Variants in SYNE1 observed in about 807,000 individuals in gnomAD.
SYNE1 encodes nesprin-1.
Under a neutral mutation model 1,111.0 loss-of-function variants are expected in SYNE1, and 616 were observed. That is an observed-to-expected ratio of 0.55 (90% CI 0.52 to 0.59). The LOEUF is 0.59. Among genes scored for constraint, SYNE1 ranks in the 20% least tolerant of loss-of-function variants. The pLI is 0.00. For missense variants in SYNE1, 10,006 were observed against 10,417.0 expected (o/e 0.96, Z 1.72); for synonymous variants, 3,855 against 3,825.8 (o/e 1.01, Z -0.28).
rs747725801 is a variant in SYNE1 at position 152,430,693 on chromosome 6, A to G, written c.4478T>C (p.Ile1493Thr). Residue 1493 changes from isoleucine (I) to threonine (T), a missense_variant, in exon 35 of 146, where the codon ATA (isoleucine) becomes ACA (threonine). By Grantham distance (89) the Ile-to-Thr change is moderately conservative. Coordinates refer to ENST00000367255, the MANE Select transcript of SYNE1 (RefSeq NM_182961.4). ...ISQIKVTIQE[I>T]ESKLSSIVGL... is the part of the protein sequence containing the mutation. ...TACAATGCTGCTGAGCTTACTTTCT[A>G]TTTCCTGAATTGTGACCTAATAGTT... The G allele has an allele frequency of 1.9e-6, 3 of 1,613,966 alleles. No individual in the cohort carries two copies. The highest frequency in any genetic ancestry group is 1.1e-5 in the South Asian group (1 of 91,084).
At chr6:152,621,324 A>C (rs1252627735) in intron 3 of SYNE1, among the ~76,000 whole-genome samples, 1 of 152,242 alleles carries the variant, frequency 6.6e-6, no homozygotes, top group African/African-American at 2.4e-5. Flanking sequence ...TTAATGTTAC[A>C]TCATAAGAGT....
At chr6:152,598,768 G>A (rs923447399) in intron 3 of SYNE1, among the ~76,000 whole-genome samples, 1 of 152,144 alleles carries the variant, frequency 6.6e-6, no homozygotes, top group Non-Finnish European at 1.5e-5. Context: ...ACAGAAGCAG[G>A]TAACATATAA....
At chr6:152,172,910 G>T (rs1218634454) in intron 130 of SYNE1, among the ~76,000 whole-genome samples, 1 of 152,132 alleles carries the variant, frequency 6.6e-6, no homozygotes, top group Non-Finnish European at 1.5e-5. Context: ...TTAAAATGTG[G>T]CCAGTGCAAC....
intron 128 of SYNE1, among the ~76,000 whole-genome samples, chr6:152,188,050 T>G (rs1030393190): frequency 4.6e-5 from 7 of 152,154 alleles, no homozygotes; most frequent in Non-Finnish European, 8.8e-5. Context: ...TATACATTGT[T>G]TTTACCTGTT....
Position 152,636,721 on chromosome 6 carries a change from G to A in SYNE1, c.-307C>T, listed in dbSNP as rs1296131788. The stretch of plus-strand genomic sequence containing the variant: ...TCCCGGCTCTCTGCGCCCAGGCTCG[G>A]CGGGACCCCGGGGATGCGCGGCTGT... On this transcript the variant is annotated 5_prime_UTR_variant, in exon 2 of 146. Transcript: ENST00000367255. The A allele has an allele frequency of 3.9e-5, 6 of 152,268 alleles. No homozygotes were observed. Among genetic ancestry groups the A allele is most frequent in the Admixed American group, 3.9e-4 (6 of 15,282 alleles). 9.4% of individuals were successfully genotyped at this position (152,268 alleles called of 1,614,324 possible).
rs138426235 is a variant in SYNE1, at chr6:152,582,862, C to T, written c.68-42841G>A. Reference sequence around the variant, plus strand: ...TGGCCTTTTCAAAATTTGCTGAAATCTGTAATTCTACAATATAAATTTATT... The same window carrying T: ...TGGCCTTTTCAAAATTTGCTGAAATTTGTAATTCTACAATATAAATTTATT... On this transcript the variant is annotated intron_variant, in intron 3 of 145. Transcript: ENST00000367255. Among the ~76,000 whole-genome samples, 152 of 152,106 alleles carry T rather than the reference C, an allele frequency of 1.0e-3. 1 individual carries two copies. The East Asian group carries it at 0.011, about 11-fold the overall frequency.
chr6:152,337,869 T>C (rs1027226681), intron 75 of SYNE1, among the ~76,000 whole-genome samples: 1 of 152,180 alleles, frequency 6.6e-6, no homozygotes, highest in African/African-American at 2.4e-5. Flanking sequence ...TTACATTGGC[T>C]GGGAATGGTG....
At chr6:152,205,621 C>T (rs376456018) in intron 126 of SYNE1, among the ~76,000 whole-genome samples, 17 of 152,108 alleles carry the variant, frequency 1.1e-4, no homozygotes, top group African/African-American at 3.4e-4. Flanking sequence ...GTGGGAGGTC[C>T]GGATAAATCT....
At chr6:152,573,275 G>A (rs528497366) in intron 3 of SYNE1, among the ~76,000 whole-genome samples, 329 of 151,418 alleles carry the variant, frequency 2.2e-3, no homozygotes, top group African/African-American at 7.2e-3. Flanking sequence ...TTGGTGTGCT[G>A]CACCCATTAA....
intron 91 of SYNE1, among the ~76,000 whole-genome samples, chr6:152,306,551 A>G (rs2095385034): frequency 6.6e-6 from 1 of 151,640 alleles, no homozygotes; most frequent in Non-Finnish European, 1.5e-5. Flanking sequence ...GGTATAAAAA[A>G]GTGATGTAAA....
At chr6:152,415,624 CTTG>C (rs892799079) in intron 41 of SYNE1, among the ~76,000 whole-genome samples, 118 of 152,072 alleles carry the variant, frequency 7.8e-4, no homozygotes, top group African/African-American at 2.7e-3. Flanking sequence ...TGCCTTCATT[CTTG>C]TTATAGAAGA....
intron 3 of SYNE1, among the ~76,000 whole-genome samples, chr6:152,555,843 G>T (rs146683151): frequency 6.6e-6 from 1 of 152,126 alleles, no homozygotes; most frequent in Non-Finnish European, 1.5e-5. Context: ...TACATCCAGA[G>T]TAAGCTTGTT....
chr6:152,429,571 T>A (rs1446739222), intron 36 of SYNE1, among the ~76,000 whole-genome samples: 1 of 152,212 alleles, frequency 6.6e-6, no homozygotes, highest in Non-Finnish European at 1.5e-5. Flanking sequence ...TATTTTTGTT[T>A]ATTAATTAAT....
At chr6:152,427,504 A>G in intron 38 of SYNE1, 189 bp downstream of exon 38, 1 of 655,560 alleles carries the variant, frequency 1.5e-6, no homozygotes, top group Non-Finnish European at 2.6e-6. Context: ...TCTCATTGTT[A>G]GTTTCTCTCC....
At position 152,310,033 on chromosome 6, in the gene SYNE1, C is replaced by T. The variant is rs745471011; in HGVS notation, c.17020-16G>A. 3 of 1,610,588 alleles carry T rather than the reference C, an allele frequency of 1.9e-6. No individual in the cohort carries two copies. Among genetic ancestry groups the T allele is most frequent in the Non-Finnish European group, 2.5e-6 (3 of 1,179,092 alleles). ...ACAACAAATGCTGAAAATGCAATTT[C>T]ATAGTTCAAAAATTTAATATTTAAA... On this transcript the variant is annotated splice_polypyrimidine_tract_variant and intron_variant, in intron 89 of 145. Transcript: ENST00000367255.
rs1056139126 is a variant in SYNE1, at chr6:152,511,212, A to T, written c.310-109T>A. ...ACATCAATAAGATTTGATCATGCCT[A>T]TGTAATAGTACATGGGAGTAAGTAG... On this transcript the variant is annotated intron_variant, in intron 6 of 145. Transcript: ENST00000367255. 6.2e-6 allele frequency: 6 copies of T among 962,896 alleles called. No homozygotes were observed. The Admixed American group carries it at 1.1e-4, about 18-fold the overall frequency. 59.6% of individuals were successfully genotyped at this position (962,896 alleles called of 1,614,324 possible). A position where few individuals can be genotyped will look rare whatever the true frequency, so the allele number is the denominator to read the frequency against.
chr6:152,362,181 C>G lies in SYNE1; in HGVS notation c.10288G>C (p.Gly3430Arg). 6.2e-7 allele frequency: 1 copy of G among 1,614,206 alleles called. No individual in the cohort carries two copies. The highest frequency in any genetic ancestry group is 8.5e-7 in the Non-Finnish European group (1 of 1,180,052). Reference sequence around the variant, plus strand: ...AATCCAGCTCTCACCTTGGCTTTTCCGAGCATCGTTGTTTTATCCCGCAGC... The same window carrying G: ...AATCCAGCTCTCACCTTGGCTTTTCGGAGCATCGTTGTTTTATCCCGCAGC... ...AELRDKTTML[G>R]KAKLLNEEVL... The change falls in exon 64 of 146, where the codon GGA becomes CGA. Residue 3430 changes from glycine to arginine, a missense_variant. This residue lies in a region of SYNE1 where 4,955 missense variants were observed against 5,017.2 expected (regional missense o/e 0.99). Transcript: ENST00000367255.
At position 152,430,524 on chromosome 6, in the gene SYNE1, T is replaced by A. The variant is rs750246761; in HGVS notation, c.4647A>T (p.Gly1549=). 3 of 1,614,096 alleles carry A rather than the reference T, an allele frequency of 1.9e-6. No homozygotes were observed. In the South Asian group the frequency reaches 3.3e-5, roughly 18 times the overall value. Residue 1549 remains glycine (G), a synonymous_variant, in exon 35 of 146, where the codon GGA becomes GGT. Transcript: ENST00000367255. The part of the protein sequence containing the change: ...HAQCLEGTIL[G]HLSQQQKFEE... ...CAAACTTTTGCTGCTGAGATAAATG[T>A]CCCAGGATTGTTCCTTCCAGACACT...
chr6:152,481,643 T>C, intron 14 of SYNE1: 2 of 414,676 alleles, frequency 4.8e-6, no homozygotes, highest in Non-Finnish European at 9.5e-6. Flanking sequence ...GTGTTATATA[T>C]GCTTAGTTGC....
Sources: allele counts gnomAD v4.1 joint callset (sites outside exome capture counted in the v4.1 genomes callset), GRCh38; gene constraint gnomAD v4.1.1; regional missense constraint gnomAD v4.1.1; transcripts MANE v1.5; gene names NCBI Gene and HGNC (gene_info 2026-07-23, HGNC 2026-07-21).